The following FGF12 variants were observed in gnomAD, a reference collection of about 807,000 sequenced individuals.
The protein encoded by FGF12 is fibroblast growth factor 12B.
FGF12 carries 14 observed loss-of-function variants against 23.6 expected under a neutral mutation model. That is an observed-to-expected ratio of 0.59 (90% CI 0.39 to 0.93). FGF12 has a LOEUF of 0.93. FGF12 is among the 40% of genes least tolerant of loss of function. The pLI, the probability that FGF12 is intolerant of heterozygous loss-of-function variation, is 0.00. For missense variants in FGF12, 175 were observed against 217.8 expected, an observed-to-expected ratio of 0.80 and a Z score of 1.24; for synonymous variants, 62 against 77.3, an observed-to-expected ratio of 0.80 and a Z score of 1.04.
intron 2 of FGF12, among the ~76,000 whole-genome samples, chr3:192,577,057 G>A (rs151168356): frequency 0.01 from 1,587 of 152,218 alleles, 12 homozygotes; most frequent in Non-Finnish European, 0.016. Flanking sequence ...GCCTGTCGGC[G>A]GGTGGGGGAC....
intron 5 of FGF12, among the ~76,000 whole-genome samples, chr3:192,162,362 G>A (rs1286889512): frequency 6.6e-6 from 1 of 152,044 alleles, no homozygotes; most frequent in South Asian, 2.1e-4. Context: ...CAACTATAAC[G>A]TTGTGAACAA....
intron 2 of FGF12, among the ~76,000 whole-genome samples, chr3:192,584,420 C>A (rs1713289515): frequency 1.3e-5 from 2 of 151,812 alleles, no homozygotes; most frequent in Non-Finnish European, 2.9e-5. Context: ...AAAACAGAGG[C>A]CCAGAGAGGT....
intron 2 of FGF12, among the ~76,000 whole-genome samples, chr3:192,532,004 G>T (rs1396862796): frequency 6.6e-6 from 1 of 152,120 alleles, no homozygotes; most frequent in African/African-American, 2.4e-5. Flanking sequence ...ATTTAATAGG[G>T]TGTCCTTTCC....
At chr3:192,488,279 C>G (rs1036550098) in intron 2 of FGF12, among the ~76,000 whole-genome samples, 1 of 151,982 alleles carries the variant, frequency 6.6e-6, no homozygotes, top group African/African-American at 2.4e-5. Flanking sequence ...TATGAAATAT[C>G]TGGGGAATAT....
chr3:192,195,610 A>G (rs1216077073), intron 4 of FGF12, among the ~76,000 whole-genome samples: 1 of 152,202 alleles, frequency 6.6e-6, no homozygotes, highest in Non-Finnish European at 1.5e-5. Flanking sequence ...ATACTCTACG[A>G]TAGTCACACA....
intron 4 of FGF12, among the ~76,000 whole-genome samples, chr3:192,197,481 C>CTTAA (rs1717131100): frequency 6.6e-6 from 1 of 152,090 alleles, no homozygotes; most frequent in African/African-American, 2.4e-5. Flanking sequence ...ATAAAATGAT[C>CTTAA]TAGATTAAGT....
chr3:192,163,978 T>C (rs999236177), intron 5 of FGF12, among the ~76,000 whole-genome samples: 1 of 152,124 alleles, frequency 6.6e-6, no homozygotes, highest in Non-Finnish European at 1.5e-5. Context: ...TGGAAATATA[T>C]TTATTTCTCC....
At chr3:192,168,298 C>A (rs1356040699) in intron 5 of FGF12, among the ~76,000 whole-genome samples, 1 of 152,076 alleles carries the variant, frequency 6.6e-6, no homozygotes, top group Non-Finnish European at 1.5e-5. Flanking sequence ...TTTTGAGAAT[C>A]CATATATTTC....
chr3:192,711,840 A>G (rs906184869), intron 2 of FGF12, among the ~76,000 whole-genome samples: 2 of 150,566 alleles, frequency 1.3e-5, no homozygotes, highest in African/African-American at 2.4e-5. Context: ...GCCTAGGAAA[A>G]CCAGAGACCT....
At chr3:192,412,256 G>C (rs1254474851) in intron 2 of FGF12, among the ~76,000 whole-genome samples, 1 of 152,198 alleles carries the variant, frequency 6.6e-6, no homozygotes, top group Non-Finnish European at 1.5e-5. Context: ...TTTAGTCTTT[G>C]TGTTGCTGAT....
rs144795915 is a variant in FGF12, at chr3:192,375,740, T to C, written c.14-15202A>G. Among the ~76,000 whole-genome samples, 314 of 151,040 alleles carry C rather than the reference T, an allele frequency of 2.1e-3. 1 individual carries two copies. Among genetic ancestry groups the C allele is most frequent in the African/African-American group, 6.7e-3 (277 of 41,220 alleles). On this transcript the variant is annotated intron_variant, in intron 2 of 5. Coordinates refer to ENST00000445105, the MANE Select transcript of FGF12 (RefSeq NM_004113.6). Reference sequence around the variant, plus strand: ...CTATTAAAGTGTAAAAATGTCTCAGTGTTTGGCATTACATTTGTTTATTTA... The same window carrying C: ...CTATTAAAGTGTAAAAATGTCTCAGCGTTTGGCATTACATTTGTTTATTTA...
At chr3:192,300,954 T>C (rs1715318044) in intron 4 of FGF12, among the ~76,000 whole-genome samples, 1 of 152,020 alleles carries the variant, frequency 6.6e-6, no homozygotes. Flanking sequence ...GGAGTCGAGA[T>C]CACCCCACTG....
At chr3:192,303,285 G>A (rs907815996) in intron 4 of FGF12, among the ~76,000 whole-genome samples, 3 of 152,124 alleles carry the variant, frequency 2.0e-5, no homozygotes, top group South Asian at 2.1e-4. Flanking sequence ...ATTTTGTCAC[G>A]TTAGTAGACA....
At chr3:192,653,572 A>T (rs934431365) in intron 2 of FGF12, among the ~76,000 whole-genome samples, 2 of 152,220 alleles carry the variant, frequency 1.3e-5, no homozygotes, top group African/African-American at 2.4e-5. Context: ...ACAGATCTAT[A>T]ATATTAAAAA....
chr3:192,640,369 TAA>T (rs1365518672), intron 2 of FGF12, among the ~76,000 whole-genome samples: 7 of 151,922 alleles, frequency 4.6e-5, no homozygotes, highest in African/African-American at 1.7e-4. Context: ...GAAATAAAAA[TAA>T]AAGAGTGAAA....
intron 4 of FGF12, among the ~76,000 whole-genome samples, chr3:192,315,788 A>C (rs1019643041): frequency 6.6e-6 from 1 of 152,204 alleles, no homozygotes; most frequent in Non-Finnish European, 1.5e-5. Flanking sequence ...GCCATAAGCT[A>C]CAGCAAGGCC....
chr3:192,473,952 T>A (rs1316421982), intron 2 of FGF12, among the ~76,000 whole-genome samples: 1 of 152,202 alleles, frequency 6.6e-6, no homozygotes, highest in African/African-American at 2.4e-5. Flanking sequence ...AGAACTACAC[T>A]CACCTAGACT....
chr3:192,297,737 TTTTGAAATAGAATCTCTA>T lies in FGF12; in HGVS notation c.228+37606_228+37623del, dbSNP rs1206816964. 5.9e-5 allele frequency among the ~76,000 whole-genome samples: 9 copies of T among 152,334 alleles called. No individual in the cohort carries two copies. The South Asian group carries it at 1.0e-3, about 18-fold the overall frequency. ...TGGATAAGTTCAAAAAGGAATCTCATTTTGAAATAGAATCTCTATTTGAAATAGAATCTCTAACATCCC... is the reference window on the plus strand; with the variant it reads ...TGGATAAGTTCAAAAAGGAATCTCATTTTGAAATAGAATCTCTAACATCCC... On this transcript the variant is annotated intron_variant, in intron 4 of 5. Transcript: ENST00000445105.
chr3:192,190,468 CT>C (rs34108891), intron 4 of FGF12, among the ~76,000 whole-genome samples: 244 of 89,118 alleles, frequency 2.7e-3, no homozygotes, highest in African/African-American at 7.3e-3. Flanking sequence ...GCCCAATACT[CT>C]TTTTTTTTTT....
Sources: allele counts gnomAD v4.1 joint callset (sites outside exome capture counted in the v4.1 genomes callset), GRCh38; gene constraint gnomAD v4.1.1; transcripts MANE v1.5; gene names NCBI Gene and HGNC (gene_info 2026-07-23, HGNC 2026-07-21).